Variants in NLRP8 observed in about 807,000 individuals in gnomAD.
NLRP8 encodes the protein NACHT, LRR and PYD domains-containing protein 8.
A neutral mutation model predicts 88.7 loss-of-function variants in NLRP8; 86 were observed. The ratio of observed to expected loss-of-function variants is 0.97; its 90% CI spans 0.81 to 1.16. The LOEUF (loss-of-function observed/expected upper bound fraction) is 1.16. Ranked by LOEUF, NLRP8 falls within the 50% of genes most tolerant of loss-of-function variation. The pLI, the probability that NLRP8 is intolerant of heterozygous loss-of-function variation, is 0.00. For synonymous variants in NLRP8, 504 were observed against 494.6 expected (o/e 1.02, Z -0.25); for missense variants, 1,342 against 1,286.5 (o/e 1.04, Z -0.66).
chr19:55,953,478 A>C (rs1182120807), intron 2 of NLRP8, among the ~76,000 whole-genome samples: 3 of 147,312 alleles, frequency 2.0e-5, no homozygotes, highest in South Asian at 2.2e-4. Flanking sequence ...GTGTGTCTCT[A>C]TTTCTTTCTT....
chr19:55,964,401 A>C (rs769568118), intron 4 of NLRP8, among the ~76,000 whole-genome samples: 5 of 152,222 alleles, frequency 3.3e-5, no homozygotes, highest in Non-Finnish European at 5.9e-5. Flanking sequence ...CTGAGAACTC[A>C]GTTCTGAATT....
intron 3 of NLRP8, 136 bp from the exon 4 acceptor site, chr19:55,961,931 A>G (rs1408511721): frequency 1.5e-6 from 1 of 663,140 alleles, no homozygotes; most frequent in African/African-American, 1.8e-5. Context: ...TGAGTGCTTT[A>G]TTTAAATGAG....
chr19:55,975,302 C>T (rs1009571990), intron 7 of NLRP8, among the ~76,000 whole-genome samples: 7 of 152,328 alleles, frequency 4.6e-5, no homozygotes, highest in African/African-American at 1.7e-4. Flanking sequence ...CCCCCTGAAA[C>T]ACTGATACTG....
At chr19:55,968,880 A>G (rs1300028117) in intron 5 of NLRP8, among the ~76,000 whole-genome samples, 1 of 152,184 alleles carries the variant, frequency 6.6e-6, no homozygotes, top group Non-Finnish European at 1.5e-5. Flanking sequence ...TGGGGCTGCC[A>G]TTGTCTACCA....
At chr19:55,961,997 C>G in intron 3 of NLRP8, 70 bp from the exon 4 acceptor site, 6 of 1,522,380 alleles carry the variant, frequency 3.9e-6, no homozygotes, top group Non-Finnish European at 5.4e-6. Context: ...GAACACCAGC[C>G]CTGGGGTTTC....
intron 1 of NLRP8, among the ~76,000 whole-genome samples, chr19:55,949,995 G>A (rs1264382123): frequency 9.2e-5 from 14 of 152,302 alleles, no homozygotes; most frequent in Admixed American, 3.9e-4. Context: ...AGCTCATCAT[G>A]TGAAAAGGAG....
intron 3 of NLRP8, among the ~76,000 whole-genome samples, chr19:55,957,700 TATATATATATATATATATATATATAAAA>T (rs2123193787): frequency 3.1e-5 from 1 of 32,266 alleles, no homozygotes; most frequent in Admixed American, 5.7e-4. Flanking sequence ...TATATATATA[TATATATATATATATATATATATATAAAA>T]TAAGGTTGTT....
In NLRP8 at chr19:55,986,448, TCTCTCA is replaced by T. The variant is rs1382435794; in HGVS notation, c.3048-1364_3048-1359del. On this transcript the variant is annotated intron_variant, in intron 9 of 9. Transcript: ENST00000291971. ...CTCTCTCACACACACATGCACTCTC[TCTCTCA>T]CACACACACTCTCTCACATACACAC... Among the ~76,000 whole-genome samples, 7 of 53,402 alleles carry T rather than the reference TCTCTCA, an allele frequency of 1.3e-4. No individual in the cohort carries two copies. In the South Asian group the frequency reaches 2.2e-3, roughly 17 times the overall value. The allele number at this position is 53,402 out of a possible 152,430, so 35.0% of individuals were successfully genotyped here.
intron 3 of NLRP8, among the ~76,000 whole-genome samples, chr19:55,960,625 G>A (rs1979564744): frequency 6.6e-6 from 1 of 152,072 alleles, no homozygotes; most frequent in Non-Finnish European, 1.5e-5. Context: ...CTTTTGTATG[G>A]GTTCCTGCAG....
chr19:55,957,676 T>TA (rs1158533191), intron 3 of NLRP8, among the ~76,000 whole-genome samples: 375 of 2,038 alleles, frequency 0.18, 15 homozygotes, highest in South Asian at 0.24. Context: ...ATAATAATTA[T>TA]ATATATATAT....
intron 9 of NLRP8, among the ~76,000 whole-genome samples, chr19:55,987,434 G>C (rs1980901041): frequency 6.6e-6 from 1 of 152,200 alleles, no homozygotes; most frequent in South Asian, 2.1e-4. Flanking sequence ...CTAATGTCTG[G>C]TCTGCATTTG....
At position 55,947,878 on chromosome 19, in the gene NLRP8, G is replaced by A. The variant is rs1231008869; in HGVS notation, c.-25G>A. 2 of 1,589,976 alleles carry A rather than the reference G, an allele frequency of 1.3e-6. No homozygotes were observed. The highest frequency in any genetic ancestry group is 2.2e-5 in the East Asian group (1 of 44,562). On this transcript the variant is annotated 5_prime_UTR_variant, in exon 1 of 10. Transcript: ENST00000291971. ...ATCGGTTGTCTTTATCGTGGACACT[G>A]AGGTGTTCTCTGCCTTGACTAAAGA...
chr19:55,954,262 G>A (rs1043335785), intron 2 of NLRP8, among the ~76,000 whole-genome samples: 14 of 152,050 alleles, frequency 9.2e-5, no homozygotes, highest in African/African-American at 1.4e-4. Flanking sequence ...ACAGCTTTAC[G>A]CCCGCCATAC....
At chr19:55,953,400 C>T (rs1476801797) in intron 2 of NLRP8, among the ~76,000 whole-genome samples, 2 of 152,088 alleles carry the variant, frequency 1.3e-5, no homozygotes, top group Non-Finnish European at 2.9e-5. Context: ...CTTGAATTAT[C>T]CCAAAACCAT....
intron 5 of NLRP8, among the ~76,000 whole-genome samples, chr19:55,966,951 T>C (rs1600307084): frequency 1.3e-5 from 2 of 152,362 alleles, no homozygotes; most frequent in East Asian, 1.9e-4. Flanking sequence ...TGTGAATACA[T>C]AGTAGGCATA....
intron 7 of NLRP8, 59 bp from the exon 8 acceptor site, chr19:55,976,074 T>G: frequency 1.3e-5 from 17 of 1,347,024 alleles, no homozygotes; most frequent in East Asian, 2.5e-5. Context: ...GTTGTTGTTG[T>G]TGTTGTTGTT....
intron 9 of NLRP8, among the ~76,000 whole-genome samples, chr19:55,985,518 G>A (rs1233256794): frequency 6.6e-6 from 1 of 152,028 alleles, no homozygotes; most frequent in African/African-American, 2.4e-5. Context: ...AACAAATGGT[G>A]CTAAATTGAT....
chr19:55,958,181 G>C (rs1235753276), intron 3 of NLRP8, among the ~76,000 whole-genome samples: 4 of 152,098 alleles, frequency 2.6e-5, no homozygotes, highest in African/African-American at 9.7e-5. Flanking sequence ...TTGTCCTTCT[G>C]CTGCATAATG....
At chr19:55,951,562 G>A (rs1003209720) in intron 1 of NLRP8, among the ~76,000 whole-genome samples, 2 of 152,170 alleles carry the variant, frequency 1.3e-5, no homozygotes, top group Non-Finnish European at 2.9e-5. Flanking sequence ...TGGTATCCAT[G>A]GGGGATTGGT....
Sources: allele counts gnomAD v4.1 joint callset (sites outside exome capture counted in the v4.1 genomes callset), GRCh38; gene constraint gnomAD v4.1.1; transcripts MANE v1.5; gene names NCBI Gene and HGNC (gene_info 2026-07-23, HGNC 2026-07-21).